Variants in PDE6C observed in about 807,000 individuals in gnomAD.
PDE6C encodes the protein cone cGMP-specific 3',5'-cyclic phosphodiesterase subunit alpha'.
Under a neutral mutation model 113.1 loss-of-function variants are expected in PDE6C, and 75 were observed. The ratio of observed to expected loss-of-function variants is 0.66; its 90% confidence interval spans 0.55 to 0.80. The LOEUF (loss-of-function observed/expected upper bound fraction) is 0.80, where lower values mean the gene tolerates loss of function less well. Among genes scored for constraint, PDE6C ranks in the 30% least tolerant of loss-of-function variants. The pLI, the probability that PDE6C is intolerant of heterozygous loss-of-function variation, is 0.00. For missense variants in PDE6C, 912 were observed against 1,038.6 expected, an observed-to-expected ratio of 0.88 and a Z score of 1.67; for synonymous variants, 375 against 363.7, an observed-to-expected ratio of 1.03 and a Z score of -0.35.
At chr10:93,655,687 C>A in intron 15 of PDE6C, 73 bp from the exon 16 acceptor site, 22 of 616,878 alleles carry the variant, frequency 3.6e-5, no homozygotes, top group Middle Eastern at 4.3e-4. Flanking sequence ...AGATTTTCTT[C>A]TTGTTAAGCA....
Position 93,646,033 on chromosome 10 carries a change from C to G in PDE6C, c.1921C>G (p.Leu641Val). 1 of 1,591,278 alleles carries G rather than the reference C, an allele frequency of 6.3e-7. No homozygotes were observed. The highest frequency in any genetic ancestry group is 8.6e-7 in the Non-Finnish European group (1 of 1,159,158). The change falls in exon 15 of 22, where the codon CTG becomes GTG. Residue 641 changes from leucine (L) to valine (V), a missense_variant. Leu to Val is a conservative substitution (Grantham distance 32, BLOSUM62 1). Coordinates refer to ENST00000371447, the MANE Select transcript of PDE6C (RefSeq NM_006204.4). The stretch of plus-strand genomic sequence containing the variant: ...GCACCACCTGGAGTACAGTAAGACT[C>G]TGTTGCAGGATGAGGTACGTAAACC... ...ERHHLEYSKT[L>V]LQDESLNIFQ...
chr10:93,645,923 A>G (rs1564802708), intron 14 of PDE6C, 37 bp from the exon 15 acceptor site: 1 of 1,248,762 alleles, frequency 8.0e-7, no homozygotes, highest in Non-Finnish European at 1.2e-6. Context: ...TGTAATTTTT[A>G]AACAGCTAGA....
chr10:93,651,013 T>C (rs547071643), intron 15 of PDE6C, among the ~76,000 whole-genome samples: 24 of 152,384 alleles, frequency 1.6e-4, no homozygotes, highest in Admixed American at 8.5e-4. Flanking sequence ...ATAAATTTTA[T>C]AATTGATTTG....
chr10:93,614,495 G>A (rs1007374669), intron 1 of PDE6C, among the ~76,000 whole-genome samples: 2 of 152,154 alleles, frequency 1.3e-5, no homozygotes, highest in Admixed American at 6.6e-5. Context: ...CTCATCCTTA[G>A]GGCAAAGTTC....
intron 14 of PDE6C, among the ~76,000 whole-genome samples, chr10:93,644,253 T>G (rs1446655004): frequency 2.0e-5 from 3 of 152,320 alleles, no homozygotes; most frequent in East Asian, 3.9e-4. Context: ...AAGGAACATT[T>G]TCTCCTTTGC....
At position 93,649,023 on chromosome 10, in the gene PDE6C, C is replaced by T. The variant is rs185098575; in HGVS notation, c.1935+2976C>T. On this transcript the variant is annotated intron_variant, in intron 15 of 21. Transcript: ENST00000371447. ...ATAGGCACCATGCTGAAGACTAGAACGGCCTGTACTTTCCCTGGCCTCAGC... is the reference window on the plus strand; with the variant it reads ...ATAGGCACCATGCTGAAGACTAGAATGGCCTGTACTTTCCCTGGCCTCAGC... Among the ~76,000 whole-genome samples the T allele has an allele frequency of 1.0e-3, 153 of 152,306 alleles. 1 individual carries two copies. The East Asian group carries it at 0.023, about 23-fold the overall frequency.
intron 15 of PDE6C, among the ~76,000 whole-genome samples, chr10:93,655,277 C>T (rs1300902993): frequency 2.0e-5 from 3 of 152,112 alleles, no homozygotes. Flanking sequence ...CCTACATATA[C>T]ACGAATATGA....
chr10:93,633,335 G>A (rs2058510947), intron 8 of PDE6C, among the ~76,000 whole-genome samples: 1 of 151,776 alleles, frequency 6.6e-6, no homozygotes, highest in South Asian at 2.1e-4. Flanking sequence ...GCTTGGTGGG[G>A]CATGCTTGTA....
intron 15 of PDE6C, among the ~76,000 whole-genome samples, chr10:93,647,659 G>A (rs2058591008): frequency 6.6e-6 from 1 of 152,122 alleles, no homozygotes; most frequent in Non-Finnish European, 1.5e-5. Flanking sequence ...TAATTTAACA[G>A]GGCGGGGGCA....
Position 93,613,182 on chromosome 10 carries a change from CAT to C in PDE6C, c.459_460del (p.His153GlnfsTer13). 2 of 1,613,734 alleles carry C rather than the reference CAT, an allele frequency of 1.2e-6. No homozygotes were observed. The highest frequency in any genetic ancestry group is 1.7e-6 in the Non-Finnish European group (2 of 1,180,008). On this transcript the variant is annotated frameshift_variant, in exon 1 of 22. Coordinates refer to ENST00000371447, the MANE Select transcript of PDE6C (RefSeq NM_006204.4). LOFTEE classifies it high-confidence loss of function. ...VGWAAHTKKT[H>X]NVPDVKKNSH... ...TTGGGCTGCTCACACGAAGAAAACT[CAT>C]AATGTCCCAGATGTGAAAAAGGTAG...
chr10:93,640,744 T>C (rs115289536), intron 13 of PDE6C, among the ~76,000 whole-genome samples, 176 bp from the exon 14 acceptor site: 18 of 152,268 alleles, frequency 1.2e-4, no homozygotes, highest in Admixed American at 3.9e-4. Context: ...ATTCACACAC[T>C]TACCTTCTTA....
chr10:93,629,240 TCTC>T lies in PDE6C; in HGVS notation c.1072-14_1072-12del, dbSNP rs2058487895. 6.3e-7 allele frequency: 1 copy of T among 1,599,558 alleles called. No individual in the cohort carries two copies. The highest frequency in any genetic ancestry group is 8.6e-7 in the Non-Finnish European group (1 of 1,166,910). ...ACTACACAATATTTCAGACCATTTG[TCTC>T]CTCTTGCCTTCCAGATCTGTAACAT... is the stretch of plus-strand genomic sequence containing the variant. On this transcript the variant is annotated splice_polypyrimidine_tract_variant and intron_variant, in intron 7 of 21. Coordinates refer to ENST00000371447, the MANE Select transcript of PDE6C (RefSeq NM_006204.4).
In PDE6C at chr10:93,641,043, T is replaced by A. The variant is rs1409039647; in HGVS notation, c.1847+14T>A. On this transcript the variant is annotated intron_variant, in intron 14 of 21. Coordinates refer to ENST00000371447, the MANE Select transcript of PDE6C (RefSeq NM_006204.4). Reference sequence around the variant, plus strand: ...GTACCAGATGAAGTAAGTGAACACATGTCCAATGTTGACACGTATTGGTGG... The same window carrying A: ...GTACCAGATGAAGTAAGTGAACACAAGTCCAATGTTGACACGTATTGGTGG... 3 of 1,416,932 alleles carry A rather than the reference T, an allele frequency of 2.1e-6. No individual in the cohort carries two copies. The East Asian group carries it at 6.8e-5, about 32-fold the overall frequency. The allele number at this position is 1,416,932 out of a possible 1,614,324, so 87.8% of individuals were successfully genotyped here. A position where few individuals can be genotyped will look rare whatever the true frequency, so the allele number is the denominator to read the frequency against.
At chr10:93,633,406 C>T (rs543661192) in intron 8 of PDE6C, among the ~76,000 whole-genome samples, 1 of 144,198 alleles carries the variant, frequency 6.9e-6, no homozygotes, top group Non-Finnish European at 1.5e-5. Context: ...GCAGAGGTTG[C>T]AGTGAGCCAA....
At chr10:93,641,130 C>A in intron 14 of PDE6C, 101 bp downstream of exon 14, 1 of 733,604 alleles carries the variant, frequency 1.4e-6, no homozygotes, top group Non-Finnish European at 2.4e-6. Context: ...CAGTCAATGC[C>A]TCTTTGCCAT....
chr10:93,628,687 G>A (rs1271645050), intron 7 of PDE6C, among the ~76,000 whole-genome samples: 1 of 151,104 alleles, frequency 6.6e-6, no homozygotes, highest in East Asian at 1.9e-4. Context: ...ATGACCCAAG[G>A]TACAGAAAAC....
chr10:93,665,749 G>T lies in PDE6C; in HGVS notation c.*331G>T. ...TGCTATAACAAAGTACCACAGACTG[G>T]GTGCTTAACCAATAGAAATGTATTT... is the stretch of plus-strand genomic sequence containing the variant. On this transcript the variant is annotated 3_prime_UTR_variant, in exon 22 of 22. Coordinates refer to ENST00000371447, the MANE Select transcript of PDE6C (RefSeq NM_006204.4). 3.1e-6 allele frequency: 1 copy of T among 322,506 alleles called. No individual in the cohort carries two copies. Among genetic ancestry groups the T allele is most frequent in the Non-Finnish European group, 5.9e-6 (1 of 170,260 alleles). 20.0% of individuals were successfully genotyped at this position (322,506 alleles called of 1,614,324 possible). A position where few individuals can be genotyped will look rare whatever the true frequency, so the allele number is the denominator to read the frequency against.
chr10:93,658,360 G>C (rs1370446855), intron 16 of PDE6C, among the ~76,000 whole-genome samples: 2 of 152,028 alleles, frequency 1.3e-5, no homozygotes, highest in Middle Eastern at 3.2e-3. Context: ...AGACCAGCTG[G>C]ACATCCGTGT....
intron 21 of PDE6C, among the ~76,000 whole-genome samples, chr10:93,664,947 C>T (rs2058683097): frequency 6.6e-6 from 1 of 152,222 alleles, no homozygotes; most frequent in Non-Finnish European, 1.5e-5. Flanking sequence ...CAGTTCATTG[C>T]AACCTGTGCC....
Sources: allele counts gnomAD v4.1 joint callset (sites outside exome capture counted in the v4.1 genomes callset), GRCh38; gene constraint gnomAD v4.1.1; transcripts MANE v1.5; gene names NCBI Gene and HGNC (gene_info 2026-07-23, HGNC 2026-07-21).